The following FRYL variants were observed in gnomAD, a reference collection of about 807,000 sequenced individuals.
FRYL encodes protein furry homolog-like.
Under a neutral mutation model 351.2 loss-of-function variants are expected in FRYL, and 150 were observed. The observed-to-expected ratio is 0.43, with a 90% CI of 0.37 to 0.49. FRYL has a LOEUF of 0.49. FRYL is among the 20% of genes least tolerant of loss of function. FRYL has a pLI of 0.00. For missense variants in FRYL, 3,036 were observed against 3,619.3 expected (o/e 0.84, Z 4.13); for synonymous variants, 1,153 against 1,257.1 (o/e 0.92, Z 1.75).
chr4:48,736,865 A>G (rs1301736286), intron 1 of FRYL, among the ~76,000 whole-genome samples: 1 of 150,302 alleles, frequency 6.7e-6, no homozygotes, highest in Non-Finnish European at 1.5e-5. Context: ...AAAAAAAAAA[A>G]AAAAAGAAAA....
intron 59 of FRYL, among the ~76,000 whole-genome samples, chr4:48,507,967 T>C (rs1331635642): frequency 1.3e-5 from 2 of 152,252 alleles, no homozygotes; most frequent in South Asian, 2.1e-4. Context: ...CTGTGAGCCT[T>C]AGCAGTCTTG....
intron 3 of FRYL, among the ~76,000 whole-genome samples, chr4:48,680,326 T>G (rs1231266339): frequency 6.6e-6 from 1 of 152,020 alleles, no homozygotes; most frequent in African/African-American, 2.4e-5. Context: ...TTTTTTCATC[T>G]TTTTCCTAAT....
intron 1 of FRYL, among the ~76,000 whole-genome samples, chr4:48,745,712 C>G (rs1772599916): frequency 6.6e-6 from 1 of 152,058 alleles, no homozygotes; most frequent in Non-Finnish European, 1.5e-5. Flanking sequence ...TGTAACAAAC[C>G]TGCACGTTGT....
At chr4:48,606,927 G>A (rs779353936) in intron 9 of FRYL, among the ~76,000 whole-genome samples, 13 of 151,816 alleles carry the variant, frequency 8.6e-5, no homozygotes, top group Middle Eastern at 3.2e-3. Flanking sequence ...CCCACAAAAC[G>A]CCACCATGTA....
chr4:48,652,377 A>C (rs1297300557), intron 3 of FRYL, among the ~76,000 whole-genome samples: 2 of 152,224 alleles, frequency 1.3e-5, no homozygotes, highest in Non-Finnish European at 2.9e-5. Context: ...AAAGATTAGA[A>C]GCTACAGTCC....
chr4:48,658,710 C>T (rs1316501844), intron 3 of FRYL, among the ~76,000 whole-genome samples: 1 of 151,266 alleles, frequency 6.6e-6, no homozygotes, highest in African/African-American at 2.4e-5. Context: ...GCCATGAATG[C>T]GCCACTGCAC....
chr4:48,581,015 A>T, intron 21 of FRYL, 64 bp from the exon 22 acceptor site: 1 of 980,222 alleles, frequency 1.0e-6, no homozygotes, highest in Non-Finnish European at 1.5e-6. Context: ...GCCAAACCCA[A>T]GTAAACACTA....
chr4:48,710,233 C>G (rs993233047), intron 2 of FRYL, among the ~76,000 whole-genome samples: 3 of 152,154 alleles, frequency 2.0e-5, no homozygotes, highest in African/African-American at 7.2e-5. Flanking sequence ...ATAGGTAAGA[C>G]AGTAACAAGA....
At chr4:48,563,425 A>T (rs1735969851) in intron 31 of FRYL, among the ~76,000 whole-genome samples, 1 of 152,172 alleles carries the variant, frequency 6.6e-6, no homozygotes. Flanking sequence ...GATCAAAAAT[A>T]TGAGGGAAAG....
In FRYL at chr4:48,581,531, A is replaced by G; in HGVS notation, c.2061T>C (p.Val687=). The G allele has an allele frequency of 1.2e-6, 2 of 1,614,070 alleles. No homozygotes were observed. Among genetic ancestry groups the G allele is most frequent in the Non-Finnish European group, 1.7e-6 (2 of 1,179,960 alleles). The part of the protein sequence containing the change: ...RSPYSNVFHV[V]EGFALVILCS... ...AGAGAATGACAAGCGCAAAGCCTTCAACCACATGGAATACATTGGAATATG... is the reference window on the plus strand; with the variant it reads ...AGAGAATGACAAGCGCAAAGCCTTCGACCACATGGAATACATTGGAATATG... Residue 687 remains valine, a synonymous_variant, in exon 21 of 64, where the codon GTT becomes GTC. Transcript: ENST00000358350.
rs754265033 is a variant in FRYL at position 48,580,859 on chromosome 4, AG to A, written c.2259+5del. ...AGATTGGGTAGAATGAAGTCACTATAGTTACCTGATCAGCCCCAGTGAGATG... is the reference window on the plus strand; with the variant it reads ...AGATTGGGTAGAATGAAGTCACTATATTACCTGATCAGCCCCAGTGAGATG... On this transcript the variant is annotated splice_donor_5th_base_variant and intron_variant, in intron 22 of 63. Transcript: ENST00000358350. The A allele has an allele frequency of 5.0e-6, 8 of 1,589,240 alleles. No homozygotes were observed. The African/African-American group carries it at 9.4e-5, about 19-fold the overall frequency.
At chr4:48,564,232 G>A in intron 30 of FRYL, 130 bp from the exon 31 acceptor site, 1 of 995,894 alleles carries the variant, frequency 1.0e-6, no homozygotes, top group East Asian at 2.9e-5. Flanking sequence ...ATCTCCTTTT[G>A]TTCACCTCCC....
At chr4:48,606,391 G>T in intron 10 of FRYL, 47 bp downstream of exon 10, 1 of 1,281,770 alleles carries the variant, frequency 7.8e-7, no homozygotes, top group Non-Finnish European at 1.1e-6. Flanking sequence ...TGAAGAGCAA[G>T]GACTGTTAGG....
intron 1 of FRYL, among the ~76,000 whole-genome samples, chr4:48,729,522 T>G (rs1402750352): frequency 6.6e-6 from 1 of 152,098 alleles, no homozygotes; most frequent in Admixed American, 6.5e-5. Flanking sequence ...GGTGCCTCTC[T>G]GGGACGAAGC....
intron 56 of FRYL, among the ~76,000 whole-genome samples, chr4:48,514,580 C>T (rs563623534): frequency 3.3e-5 from 5 of 152,246 alleles, no homozygotes; most frequent in South Asian, 2.1e-4. Flanking sequence ...ATAATTGCTT[C>T]GCCTATTATA....
chr4:48,552,688 T>C (rs879657940), intron 36 of FRYL, among the ~76,000 whole-genome samples: 22 of 152,064 alleles, frequency 1.4e-4, no homozygotes, highest in Non-Finnish European at 2.9e-5. Flanking sequence ...AAAAATTCAA[T>C]AGAAGCATTA....
At chr4:48,755,401 C>T (rs1334835680) in intron 1 of FRYL, among the ~76,000 whole-genome samples, 1 of 152,158 alleles carries the variant, frequency 6.6e-6, no homozygotes, top group East Asian at 1.9e-4. Flanking sequence ...TTTCCACATG[C>T]CACTAGAAAT....
chr4:48,721,354 A>ATT (rs111383761), intron 1 of FRYL, among the ~76,000 whole-genome samples: 1 of 142,922 alleles, frequency 7.0e-6, no homozygotes, highest in Non-Finnish European at 1.5e-5. Context: ...CTATATGTAG[A>ATT]TTTTTTTTTT....
chr4:48,732,164 C>T (rs1770793603), intron 1 of FRYL, among the ~76,000 whole-genome samples: 1 of 152,166 alleles, frequency 6.6e-6, no homozygotes, highest in African/African-American at 2.4e-5. Flanking sequence ...AGCCAACAGA[C>T]ATTTGAAAAA....
Sources: allele counts gnomAD v4.1 joint callset (sites outside exome capture counted in the v4.1 genomes callset), GRCh38; gene constraint gnomAD v4.1.1; transcripts MANE v1.5; gene names NCBI Gene and HGNC (gene_info 2026-07-23, HGNC 2026-07-21).